Variants in NPAS3 observed in about 807,000 individuals in gnomAD.
NPAS3 encodes neuronal PAS domain protein 3.
NPAS3 carries 14 observed loss-of-function variants against 73.1 expected under a neutral mutation model. The ratio of observed to expected loss-of-function variants is 0.19; its 90% CI spans 0.13 to 0.30. NPAS3 has a LOEUF of 0.30. NPAS3 is among the 10% of genes least tolerant of loss of function. The pLI is 1.00. For missense variants in NPAS3, 1,096 were observed against 1,250.0 expected, an observed-to-expected ratio of 0.88 and a Z score of 1.86; for synonymous variants, 620 against 541.5, an observed-to-expected ratio of 1.14 and a Z score of -2.01.
intron 3 of NPAS3, among the ~76,000 whole-genome samples, chr14:33,267,255 C>T (rs1219439446): frequency 2.0e-5 from 3 of 152,112 alleles, no homozygotes; most frequent in African/African-American, 4.8e-5. Context: ...GCTTCCAGCT[C>T]ATTGTACTTT....
chr14:33,728,555 G>A (rs143411410), intron 6 of NPAS3, among the ~76,000 whole-genome samples: 3,110 of 152,262 alleles, frequency 0.02, 52 homozygotes, highest in Non-Finnish European at 0.025. Context: ...TATAGTGGCT[G>A]CAACTGCATA....
chr14:33,044,979 A>T (rs886334562), intron 1 of NPAS3, among the ~76,000 whole-genome samples: 2 of 152,074 alleles, frequency 1.3e-5, no homozygotes, highest in Non-Finnish European at 2.9e-5. Context: ...TTGCTCTAAC[A>T]TCAGCATTTT....
chr14:33,147,725 T>TA (rs72264623), intron 2 of NPAS3, among the ~76,000 whole-genome samples: 981 of 91,622 alleles, frequency 0.011, 9 homozygotes, highest in Middle Eastern at 0.021. Flanking sequence ...TAAAGTAGAA[T>TA]AAAAAATATA....
In NPAS3 at chr14:33,799,977, T is replaced by C. The variant is rs1285379187; in HGVS notation, c.1670T>C (p.Val557Ala). ...GCTCTGGGCGCGATGCAGATCAAGG[T>C]GGAGCGCTACGTGGAGAGCGAGTCG... is the stretch of plus-strand genomic sequence containing the variant. Residue 557 changes from valine (V) to alanine (A), a missense_variant, in exon 12 of 12, where the codon GTG becomes GCG. Val to Ala is a moderately conservative substitution (Grantham distance 64, BLOSUM62 0). This residue lies in a region of NPAS3 where 698 missense variants were observed against 676.7 expected (regional missense o/e 1.03). Transcript: ENST00000356141. 5 of 1,613,564 alleles carry C rather than the reference T, an allele frequency of 3.1e-6. No homozygotes were observed. In the African/African-American group the frequency reaches 6.7e-5, roughly 22 times the overall value.
At chr14:33,218,754 G>A (rs768831346) in intron 3 of NPAS3, among the ~76,000 whole-genome samples, 3 of 152,158 alleles carry the variant, frequency 2.0e-5, no homozygotes, top group Non-Finnish European at 4.4e-5. Flanking sequence ...ATTTAAATTT[G>A]TCCCACACAA....
At chr14:32,946,691 G>A (rs1038233511) in intron 1 of NPAS3, among the ~76,000 whole-genome samples, 1 of 152,104 alleles carries the variant, frequency 6.6e-6, no homozygotes, top group Non-Finnish European at 1.5e-5. Flanking sequence ...GAGTATTTGT[G>A]ATTGCAAGAT....
chr14:33,580,459 G>T (rs1008162571), intron 5 of NPAS3, among the ~76,000 whole-genome samples: 1 of 152,168 alleles, frequency 6.6e-6, no homozygotes, highest in South Asian at 2.1e-4. Flanking sequence ...CCAGACGGCA[G>T]GTGTATTTTA....
At chr14:33,792,403 GA>G (rs969639066) in intron 9 of NPAS3, among the ~76,000 whole-genome samples, 2 of 151,336 alleles carry the variant, frequency 1.3e-5, no homozygotes, top group African/African-American at 2.4e-5. Flanking sequence ...TGTGCTGTGA[GA>G]AAAAAAAGGA....
chr14:33,646,102 A>G (rs941239144), intron 5 of NPAS3, among the ~76,000 whole-genome samples: 2 of 152,190 alleles, frequency 1.3e-5, no homozygotes, highest in African/African-American at 4.8e-5. Context: ...GGGTTCTCTG[A>G]GAAAACGAGG....
At chr14:32,965,926 A>C (rs1036050846) in intron 1 of NPAS3, among the ~76,000 whole-genome samples, 4 of 152,220 alleles carry the variant, frequency 2.6e-5, no homozygotes, top group Non-Finnish European at 5.9e-5. Flanking sequence ...AGTGCAAACT[A>C]TCTGAAAAAG....
At chr14:33,379,951 C>G (rs1469348991) in intron 4 of NPAS3, among the ~76,000 whole-genome samples, 1 of 147,072 alleles carries the variant, frequency 6.8e-6, no homozygotes. Flanking sequence ...AAGATTATTA[C>G]AGAAGAATCT....
intron 7 of NPAS3, among the ~76,000 whole-genome samples, chr14:33,739,295 G>T (rs1004783144): frequency 6.6e-6 from 1 of 152,112 alleles, no homozygotes; most frequent in Non-Finnish European, 1.5e-5. Context: ...GGGATGATTT[G>T]GGCATGGATT....
chr14:32,958,280 C>A (rs549082806), intron 1 of NPAS3, among the ~76,000 whole-genome samples: 10 of 152,282 alleles, frequency 6.6e-5, no homozygotes, highest in South Asian at 2.1e-4. Context: ...ACCCCATGAA[C>A]CTACCATTAT....
intron 2 of NPAS3, among the ~76,000 whole-genome samples, chr14:33,193,307 A>T (rs2046236030): frequency 6.6e-6 from 1 of 151,866 alleles, no homozygotes; most frequent in African/African-American, 2.4e-5. Flanking sequence ...CAACATAGTC[A>T]AGAATGCTTT....
chr14:33,607,999 A>C (rs2057631554), intron 5 of NPAS3, among the ~76,000 whole-genome samples: 1 of 152,102 alleles, frequency 6.6e-6, no homozygotes, highest in Admixed American at 6.5e-5. Context: ...GGTCCCTCCC[A>C]CCACACGTGA....
intron 2 of NPAS3, among the ~76,000 whole-genome samples, chr14:33,136,273 C>T (rs1958016): frequency 2.0e-5 from 3 of 151,444 alleles, no homozygotes; most frequent in Non-Finnish European, 3.0e-5. Context: ...GTTGGCCAGG[C>T]TGGTCTCAAT....
chr14:33,330,435 G>A (rs1255491127), intron 3 of NPAS3, among the ~76,000 whole-genome samples: 3 of 152,088 alleles, frequency 2.0e-5, no homozygotes, highest in Non-Finnish European at 2.9e-5. Context: ...GCTGTTGTGA[G>A]GATTAAGTGA....
chr14:33,498,392 C>T (rs2052320877), intron 4 of NPAS3, among the ~76,000 whole-genome samples: 1 of 152,138 alleles, frequency 6.6e-6, no homozygotes, highest in Non-Finnish European at 1.5e-5. Flanking sequence ...CACATGCACA[C>T]ATATGTTTAC....
At chr14:33,114,449 C>T (rs116284164) in intron 2 of NPAS3, among the ~76,000 whole-genome samples, 1,964 of 152,180 alleles carry the variant, frequency 0.013, 48 homozygotes, top group African/African-American at 0.045. Flanking sequence ...AGAATGATGC[C>T]GTGCTGCTGA....
Sources: gnomAD v4.1 joint callset for allele counts (sites outside exome capture counted in the v4.1 genomes callset) on GRCh38, gnomAD v4.1.1 for gene constraint, gnomAD v4.1.1 regional missense constraint, MANE v1.5 for transcripts, NCBI Gene and HGNC (gene_info 2026-07-23, HGNC 2026-07-21) for gene names.